Variants in DNAH6 observed in about 807,000 individuals in gnomAD.
DNAH6 encodes the protein dynein axonemal heavy chain 6, also known as axonemal beta dynein heavy chain 6.
A neutral mutation model predicts 491.4 loss-of-function variants in DNAH6; 340 were observed. That is an observed-to-expected ratio of 0.69 (90% confidence interval 0.63 to 0.76). The LOEUF is 0.76. DNAH6 is among the 30% of genes least tolerant of loss of function. The probability of loss-of-function intolerance (pLI) is 0.00; values close to 1 mark genes in which losing one functional copy is unlikely to be tolerated. For missense variants in DNAH6, 4,443 were observed against 4,972.2 expected (o/e 0.89, Z 3.20); for synonymous variants, 1,603 against 1,686.1 (o/e 0.95, Z 1.21).
Position 84,762,818 on chromosome 2 carries a change from C to A in DNAH6, c.10576C>A (p.Pro3526Thr). The change falls in exon 64 of 77, where the codon CCT becomes ACT. Residue 3526 changes from proline to threonine, a missense_variant. Transcript: ENST00000389394. ...TGGAAAACAGTTTATAGAGACACCA[C>A]CTGTGGACCTGCCTACCCTGTATCA... ...NLGKQFIETP[P>T]VDLPTLYQDM... The A allele has an allele frequency of 1.3e-6, 2 of 1,551,186 alleles. No homozygotes were observed. Among genetic ancestry groups the A allele is most frequent in the Non-Finnish European group, 1.7e-6 (2 of 1,146,630 alleles).
chr2:84,545,754 T>C (rs189835504), intron 5 of DNAH6, among the ~76,000 whole-genome samples: 3 of 152,150 alleles, frequency 2.0e-5, no homozygotes, highest in East Asian at 3.9e-4. Flanking sequence ...CACTTACCAC[T>C]AGTCTTATAT....
intron 41 of DNAH6, among the ~76,000 whole-genome samples, chr2:84,680,975 G>A (rs1472704905): frequency 6.6e-6 from 1 of 152,096 alleles, no homozygotes; most frequent in Non-Finnish European, 1.5e-5. Flanking sequence ...ACATGAAGAT[G>A]AAAGTCTATG....
chr2:84,600,406 G>GT (rs995684378), intron 18 of DNAH6, among the ~76,000 whole-genome samples: 1 of 151,946 alleles, frequency 6.6e-6, no homozygotes, highest in Non-Finnish European at 1.5e-5. Context: ...CTTTATCTGA[G>GT]TTTTTTTAGT....
chr2:84,744,308 G>A (rs988704326), intron 62 of DNAH6, among the ~76,000 whole-genome samples: 8 of 152,148 alleles, frequency 5.3e-5, no homozygotes, highest in African/African-American at 1.9e-4. Context: ...AGTTATTTTG[G>A]CTTTCTGAAA....
At position 84,738,475 on chromosome 2, in the gene DNAH6, A is replaced by G. The variant is rs556221328; in HGVS notation, c.10342+4896A>G. Among the ~76,000 whole-genome samples the G allele has an allele frequency of 2.6e-5, 4 of 152,250 alleles. No homozygotes were observed. In the East Asian group the frequency reaches 7.7e-4, roughly 29 times the overall value. ...TGTGTGACTATTGTTGTGTACTGCC[A>G]AAGTCTTTCATTAAGCCTAGATGTG... On this transcript the variant is annotated intron_variant, in intron 62 of 76. Transcript: ENST00000389394.
At chr2:84,518,505 T>C (rs1573477469) in intron 2 of DNAH6, among the ~76,000 whole-genome samples, 1 of 152,224 alleles carries the variant, frequency 6.6e-6, no homozygotes, top group South Asian at 2.1e-4. Context: ...TGGATAATTA[T>C]AAACGCATGT....
chr2:84,747,707 A>C (rs1160813361), intron 63 of DNAH6, among the ~76,000 whole-genome samples: 15 of 151,780 alleles, frequency 9.9e-5, no homozygotes, highest in Non-Finnish European at 7.4e-5. Context: ...CGTTGACACT[A>C]CTCTAGTAGG....
chr2:84,519,472 T>C (rs2104404716), intron 2 of DNAH6, among the ~76,000 whole-genome samples: 1 of 152,266 alleles, frequency 6.6e-6, no homozygotes, highest in Non-Finnish European at 1.5e-5. Flanking sequence ...AGTAGCTTAA[T>C]AGTCTAGTGA....
chr2:84,771,522 T>C (rs1728036), intron 64 of DNAH6, among the ~76,000 whole-genome samples: 37,866 of 151,986 alleles, frequency 0.25, 5,289 homozygotes, highest in African/African-American at 0.4. Flanking sequence ...TACCAAGACA[T>C]GCTATAATCA....
chr2:84,677,192 A>G lies in DNAH6; in HGVS notation c.6744+56A>G. 3 of 1,546,968 alleles carry G rather than the reference A, an allele frequency of 1.9e-6. No homozygotes were observed. The Middle Eastern group carries it at 5.0e-4, about 260-fold the overall frequency. The stretch of plus-strand genomic sequence containing the variant: ...AGGAAAAGAAAGCATATTTGTTCCA[A>G]GGCTCCCACAATCAAAGTGGTGTCT... On this transcript the variant is annotated intron_variant, in intron 41 of 76. Coordinates refer to ENST00000389394, the MANE Select transcript of DNAH6 (RefSeq NM_001370.2).
chr2:84,637,249 G>A lies in DNAH6; in HGVS notation c.4693G>A (p.Val1565Met). 1.3e-6 allele frequency: 2 copies of A among 1,550,044 alleles called. No individual in the cohort carries two copies. Among genetic ancestry groups the A allele is most frequent in the Non-Finnish European group, 8.7e-7 (1 of 1,146,162 alleles). The change falls in exon 31 of 77, where the codon GTG (valine) becomes ATG (methionine). Residue 1565 changes from valine (V) to methionine (M), a missense_variant. Transcript: ENST00000389394. ...FMFEGREIKL[V>M]MTCAAFITMN... is the part of the protein sequence containing the mutation. ...GTTTGAGGGGCGGGAAATAAAGTTG[G>A]TGATGACTTGTGCAGCCTTCATCAC... is the stretch of plus-strand genomic sequence containing the variant.
the DNAH6 span, among the ~76,000 whole-genome samples, chr2:84,510,072 G>A: frequency 5.9e-5 from 9 of 152,172 alleles, no homozygotes; most frequent in African/African-American, 2.2e-4. Context: ...CTCTTCTCAA[G>A]GAGTATCTTT....
intron 4 of DNAH6, among the ~76,000 whole-genome samples, chr2:84,543,637 T>C (rs1271796258): frequency 6.6e-6 from 1 of 152,194 alleles, no homozygotes; most frequent in Non-Finnish European, 1.5e-5. Context: ...CTTCTGTTTT[T>C]ACTCTGTTCT....
intron 29 of DNAH6, among the ~76,000 whole-genome samples, chr2:84,626,365 T>C (rs1466282153): frequency 2.0e-5 from 3 of 152,206 alleles, no homozygotes; most frequent in African/African-American, 7.2e-5. Context: ...ATTCTATAAC[T>C]AAATTATGTC....
intron 41 of DNAH6, among the ~76,000 whole-genome samples, chr2:84,677,788 G>T (rs192401618): frequency 6.6e-6 from 1 of 152,300 alleles, no homozygotes; most frequent in African/African-American, 2.4e-5. Flanking sequence ...ACCTGCAAAG[G>T]TTGCTTAGAG....
At chr2:84,810,984 A>C (rs1193096051) in intron 72 of DNAH6, among the ~76,000 whole-genome samples, 2 of 152,122 alleles carry the variant, frequency 1.3e-5, no homozygotes, top group African/African-American at 4.8e-5. Context: ...ATTTTAGATG[A>C]GTCTTCTGCT....
intron 64 of DNAH6, among the ~76,000 whole-genome samples, chr2:84,768,528 T>C (rs1428606599): frequency 6.6e-6 from 1 of 151,966 alleles, no homozygotes; most frequent in Non-Finnish European, 1.5e-5. Flanking sequence ...ATAAATAGCA[T>C]TTCTGAATAG....
At chr2:84,681,303 A>G (rs1444324224) in intron 41 of DNAH6, 54 bp from the exon 42 acceptor site, 1 of 1,377,356 alleles carries the variant, frequency 7.3e-7, no homozygotes, top group Non-Finnish European at 9.7e-7. Context: ...TTTAAAAGAT[A>G]GATATTTGGT....
chr2:84,750,496 A>G (rs1673366743), intron 63 of DNAH6, among the ~76,000 whole-genome samples: 1 of 152,004 alleles, frequency 6.6e-6, no homozygotes, highest in South Asian at 2.1e-4. Flanking sequence ...ATGTGGTTAT[A>G]CTTTTTTAAA....
Sources: allele counts gnomAD v4.1 joint callset (sites outside exome capture counted in the v4.1 genomes callset), GRCh38; gene constraint gnomAD v4.1.1; transcripts MANE v1.5; gene names NCBI Gene and HGNC (gene_info 2026-07-23, HGNC 2026-07-21).